Variants in NHSL3 observed in about 807,000 individuals in gnomAD.
NHSL3 encodes the protein NHS like 3, also known as NHS-like protein 3.
At chr1:32,751,904 C>G in the NHSL3 span, among the ~76,000 whole-genome samples, 1 of 152,122 alleles carries the variant, frequency 6.6e-6, no homozygotes, top group African/African-American at 2.4e-5. Flanking sequence ...GGCCAAGGAA[C>G]CTGCCACACT....
At chr1:32,771,576 C>T in the NHSL3 span, 1 of 1,612,424 alleles carries the variant, frequency 6.2e-7, no homozygotes, top group South Asian at 1.1e-5. Flanking sequence ...CTGTGGCCAG[C>T]CCTGAGCCTG....
chr1:32,770,409 C>T, the NHSL3 span: 1 of 1,608,052 alleles, frequency 6.2e-7, no homozygotes, highest in Non-Finnish European at 8.5e-7. The surrounding 1 kb of genome is among the most constrained non-coding windows in gnomAD (Gnocchi z 8.3). Context: ...GCCACCCATC[C>T]TCCTCCAGTG....
At chr1:32,741,998 C>A in the NHSL3 span, 1 of 1,207,880 alleles carries the variant, frequency 8.3e-7, no homozygotes, top group Non-Finnish European at 1.0e-6. The surrounding 1 kb of genome is among the most constrained non-coding windows in gnomAD (Gnocchi z 4.3). Context: ...GCCGAGGAGC[C>A]GGGGAACCCG....
At chr1:32,774,584 G>C in the NHSL3 span, 20,916 of 152,418 alleles carry the variant, frequency 0.14, 1,791 homozygotes, top group South Asian at 0.23. Context: ...AGCAACCTGG[G>C]AATGGCTGGA....
the NHSL3 span, chr1:32,742,133 C>A: frequency 3.2e-6 from 4 of 1,244,392 alleles, no homozygotes; most frequent in Non-Finnish European, 4.0e-6. Flanking sequence ...GAACCGGCCG[C>A]CCCCCGGGCC....
At chr1:32,767,718 C>T in the NHSL3 span, 9 of 1,398,440 alleles carry the variant, frequency 6.4e-6, no homozygotes, top group East Asian at 2.3e-5. Flanking sequence ...CTGCCCTTGC[C>T]GTGAGACCTG....
At chr1:32,768,817 G>A in the NHSL3 span, 5 of 1,600,264 alleles carry the variant, frequency 3.1e-6, no homozygotes, top group Non-Finnish European at 4.3e-6. Context: ...GGCTCCATTG[G>A]GTCCCAGCAT....
At chr1:32,773,178 C>A in the NHSL3 span, 1 of 514,300 alleles carries the variant, frequency 1.9e-6, no homozygotes, top group Non-Finnish European at 3.5e-6. Context: ...GTGGCTGCGC[C>A]CCCTGCTGGC....
chr1:32,771,624 G>A, the NHSL3 span: 106 of 1,612,858 alleles, frequency 6.6e-5, no homozygotes, highest in African/African-American at 2.1e-4. Context: ...TCAGCTCCCC[G>A]GCTGCTTCGT....
the NHSL3 span, among the ~76,000 whole-genome samples, chr1:32,750,303 C>T: frequency 6.6e-6 from 1 of 152,150 alleles, no homozygotes; most frequent in Non-Finnish European, 1.5e-5. Context: ...AGACTGTCAG[C>T]CCACTCACAG....
the NHSL3 span, chr1:32,770,775 G>T: frequency 6.3e-7 from 1 of 1,581,084 alleles, no homozygotes; most frequent in Non-Finnish European, 8.6e-7. The surrounding 1 kb of genome is among the most constrained non-coding windows in gnomAD (Gnocchi z 8.3). Context: ...AGCAGCCCCA[G>T]CTGCCTCGGC....
chr1:32,756,042 T>G, the NHSL3 span, among the ~76,000 whole-genome samples: 1 of 152,220 alleles, frequency 6.6e-6, no homozygotes, highest in African/African-American at 2.4e-5. Context: ...GGAAGTGGCC[T>G]GGGGCTTCCA....
the NHSL3 span, among the ~76,000 whole-genome samples, chr1:32,752,878 G>A: frequency 2.9e-5 from 4 of 139,392 alleles, no homozygotes; most frequent in African/African-American, 5.3e-5. Flanking sequence ...AATGCCTGGC[G>A]TTTTTAAAGA....
the NHSL3 span, among the ~76,000 whole-genome samples, chr1:32,765,983 T>C: frequency 6.6e-6 from 1 of 152,120 alleles, no homozygotes; most frequent in African/African-American, 2.4e-5. Flanking sequence ...TGTGCTTTTG[T>C]CCAGCCGCTT....
the NHSL3 span, chr1:32,767,658 G>A: frequency 9.6e-6 from 7 of 731,792 alleles, no homozygotes; most frequent in Non-Finnish European, 1.6e-5. Flanking sequence ...GACTGGGGAA[G>A]GGGGCATTGC....
chr1:32,771,543 C>G, the NHSL3 span: 99 of 1,604,980 alleles, frequency 6.2e-5, no homozygotes, highest in Admixed American at 9.2e-4. Context: ...CTGACTTCCC[C>G]CCACCAGAGG....
chr1:32,768,415 G>A, the NHSL3 span, among the ~76,000 whole-genome samples: 1 of 152,108 alleles, frequency 6.6e-6, no homozygotes, highest in Non-Finnish European at 1.5e-5. Context: ...CCAAAGTGGT[G>A]AAACCCTGTC....
At chr1:32,748,167 T>A in the NHSL3 span, among the ~76,000 whole-genome samples, 2 of 151,720 alleles carry the variant, frequency 1.3e-5, no homozygotes, top group Non-Finnish European at 2.9e-5. Flanking sequence ...TAGTCCCAGG[T>A]ACTTGGGAGG....
chr1:32,749,469 C>T, the NHSL3 span, among the ~76,000 whole-genome samples: 13 of 151,954 alleles, frequency 8.6e-5, no homozygotes, highest in Non-Finnish European at 1.6e-4. Context: ...GCTCATGGCC[C>T]GAGATGTCAT....
Sources: gnomAD v4.1 joint callset for allele counts (sites outside exome capture counted in the v4.1 genomes callset) on GRCh38, gnomAD v4.1.1 for gene constraint, Gnocchi (gnomAD v3.1) non-coding constraint, MANE v1.5 for transcripts, NCBI Gene and HGNC (gene_info 2026-07-23, HGNC 2026-07-21) for gene names.